The following LRRFIP1 variants were observed in gnomAD, a reference collection of about 807,000 sequenced individuals.
LRRFIP1 encodes LRR binding FLII interacting protein 1.
In LRRFIP1, 62 loss-of-function variants were observed where a neutral mutation model predicts 104.4. The observed-to-expected ratio is 0.59, with a 90% CI of 0.48 to 0.73. The LOEUF (loss-of-function observed/expected upper bound fraction) is 0.73. Ranked by LOEUF, LRRFIP1 falls within the 30% of genes least tolerant of loss-of-function variation. The probability of loss-of-function intolerance (pLI) is 0.00; values close to 1 mark genes in which losing one functional copy is unlikely to be tolerated. For missense variants in LRRFIP1, 796 were observed against 824.5 expected (o/e 0.97, Z 0.42); for synonymous variants, 300 against 299.0 (o/e 1.00, Z -0.03).
chr2:237,654,554 CT>C (rs71402730), intron 1 of LRRFIP1, among the ~76,000 whole-genome samples: 267 of 144,650 alleles, frequency 1.8e-3, no homozygotes, highest in Middle Eastern at 3.5e-3. Flanking sequence ...GAAAATATTC[CT>C]TTTTTTTTTT....
At chr2:237,775,409 G>A (rs549131257) in intron 23 of LRRFIP1, among the ~76,000 whole-genome samples, 1 of 152,362 alleles carries the variant, frequency 6.6e-6, no homozygotes, top group South Asian at 2.1e-4. Flanking sequence ...AGGGAGCAGT[G>A]AGAGCACCTC....
At chr2:237,744,510 C>A (rs2057545608) in intron 11 of LRRFIP1, among the ~76,000 whole-genome samples, 2 of 152,098 alleles carry the variant, frequency 1.3e-5, no homozygotes, top group African/African-American at 4.8e-5. Context: ...TGTACAGGAG[C>A]CTAGATAGCA....
At chr2:237,654,127 C>T (rs189150633) in intron 1 of LRRFIP1, among the ~76,000 whole-genome samples, 9 of 152,094 alleles carry the variant, frequency 5.9e-5, no homozygotes, top group Admixed American at 5.9e-4. Context: ...GGGTTAATAT[C>T]CAAAATAAAC....
At position 237,727,174 on chromosome 2, in the gene LRRFIP1, G is replaced by T. The variant is rs190478536; in HGVS notation, c.385-702G>T. On this transcript the variant is annotated intron_variant, in intron 7 of 23. Transcript: ENST00000308482. ...AGTTCGAGACCAGCCTGACCAACAT[G>T]ATGAAACCCCGTCTCTACTAAAAAT... 2.3e-3 allele frequency among the ~76,000 whole-genome samples: 354 copies of T among 152,194 alleles called. 1 individual carries two copies. The highest frequency in any genetic ancestry group is 8.0e-3 in the African/African-American group (333 of 41,530).
At chr2:237,714,927 T>C (rs905208915) in intron 3 of LRRFIP1, among the ~76,000 whole-genome samples, 1 of 152,266 alleles carries the variant, frequency 6.6e-6, no homozygotes, top group Non-Finnish European at 1.5e-5. Context: ...TGAGAATTTA[T>C]AGAATTTGTA....
At chr2:237,746,469 C>T (rs1238432115) in intron 11 of LRRFIP1, among the ~76,000 whole-genome samples, 2 of 152,148 alleles carry the variant, frequency 1.3e-5, no homozygotes, top group Non-Finnish European at 2.9e-5. Flanking sequence ...GGCTGCAGGG[C>T]TTCTGGGGCT....
chr2:237,744,655 G>T (rs1397068637), intron 11 of LRRFIP1, among the ~76,000 whole-genome samples: 1 of 152,244 alleles, frequency 6.6e-6, no homozygotes, highest in Non-Finnish European at 1.5e-5. Flanking sequence ...ACTGTTTCCA[G>T]TAGATTTTCA....
At chr2:237,760,566 CT>C (rs1431064820) in intron 19 of LRRFIP1, among the ~76,000 whole-genome samples, 3 of 152,218 alleles carry the variant, frequency 2.0e-5, no homozygotes, top group Non-Finnish European at 2.9e-5. Context: ...TAAAGTGTGG[CT>C]TTTTAAACCG....
intron 11 of LRRFIP1, among the ~76,000 whole-genome samples, chr2:237,739,932 A>C (rs1025001370): frequency 2.0e-5 from 3 of 152,106 alleles, no homozygotes; most frequent in African/African-American, 7.2e-5. Flanking sequence ...AAGAGTTTGC[A>C]GGACGGTTTT....
At chr2:237,670,426 G>A (rs1424917778) in intron 1 of LRRFIP1, among the ~76,000 whole-genome samples, 5 of 152,220 alleles carry the variant, frequency 3.3e-5, no homozygotes, top group African/African-American at 9.6e-5. Context: ...TGAAAGCCAG[G>A]GGTGGGGTAG....
At chr2:237,713,507 T>C (rs1408670260) in intron 2 of LRRFIP1, among the ~76,000 whole-genome samples, 6 of 152,210 alleles carry the variant, frequency 3.9e-5, no homozygotes, top group Non-Finnish European at 5.9e-5. Flanking sequence ...CTTTGTTTCT[T>C]ACAGTCATAT....
chr2:237,698,602 G>A (rs991583283), intron 1 of LRRFIP1, among the ~76,000 whole-genome samples: 5 of 152,218 alleles, frequency 3.3e-5, no homozygotes, highest in South Asian at 2.1e-4. Context: ...GAAGGTGGCC[G>A]TCTTACCGTA....
chr2:237,697,322 C>T (rs905488858), intron 1 of LRRFIP1, among the ~76,000 whole-genome samples: 1 of 152,104 alleles, frequency 6.6e-6, no homozygotes, highest in Non-Finnish European at 1.5e-5. Flanking sequence ...CACACCCGGC[C>T]CAATGAGCTT....
intron 1 of LRRFIP1, among the ~76,000 whole-genome samples, chr2:237,676,978 T>G (rs1194111431): frequency 6.6e-6 from 1 of 152,256 alleles, no homozygotes; most frequent in Non-Finnish European, 1.5e-5. Context: ...CCTCCTTTTG[T>G]GATTACATAA....
chr2:237,727,317 C>T (rs953776076), intron 7 of LRRFIP1, among the ~76,000 whole-genome samples: 12 of 148,624 alleles, frequency 8.1e-5, no homozygotes, highest in Admixed American at 1.3e-4. Flanking sequence ...GCTCACACTA[C>T]TGCATTCTAG....
intron 11 of LRRFIP1, among the ~76,000 whole-genome samples, chr2:237,740,878 G>A (rs2095395896): frequency 6.6e-6 from 1 of 152,150 alleles, no homozygotes; most frequent in African/African-American, 2.4e-5. Flanking sequence ...GCTTTCCTGT[G>A]CTAGAGGAAT....
Position 237,772,080 on chromosome 2 carries a change from G to C in LRRFIP1, c.1510-1G>C, listed in dbSNP as rs1396866545. 6.2e-7 allele frequency: 1 copy of C among 1,604,804 alleles called. No homozygotes were observed. The highest frequency in any genetic ancestry group is 8.5e-7 in the Non-Finnish European group (1 of 1,173,912). ...CAGATTTTACTGGCGGGTGTTTTCAGATTAAGAAACTCAAAGGGCAGCTGG... is the reference window on the plus strand; with the variant it reads ...CAGATTTTACTGGCGGGTGTTTTCACATTAAGAAACTCAAAGGGCAGCTGG... On this transcript the variant is annotated splice_acceptor_variant, in intron 20 of 23. Transcript: ENST00000308482. LOFTEE classifies it high-confidence loss of function.
chr2:237,770,853 T>A (rs1332407454), intron 20 of LRRFIP1: 1 of 152,206 alleles, frequency 6.6e-6, no homozygotes, highest in Non-Finnish European at 1.5e-5. Context: ...GGATAGTGAT[T>A]AAATCACTCT....
chr2:237,717,738 A>G lies in LRRFIP1; in HGVS notation c.202-24A>G. 6.3e-7 allele frequency: 1 copy of G among 1,592,950 alleles called. No individual in the cohort carries two copies. Among genetic ancestry groups the G allele is most frequent in the Non-Finnish European group, 8.6e-7 (1 of 1,160,746 alleles). On this transcript the variant is annotated intron_variant, in intron 3 of 23. Coordinates refer to ENST00000308482, the MANE Select transcript of LRRFIP1 (RefSeq NM_001137550.2). This position sits in a 1 kb window ranked among gnomAD's most constrained non-coding sequence, Gnocchi z 4.2. Reference sequence around the variant, plus strand: ...TTTAAGAAATTTCACTTCTTGCCTAATTTTCTTTCCCTTCTGTCTATAGAA... The same window carrying G: ...TTTAAGAAATTTCACTTCTTGCCTAGTTTTCTTTCCCTTCTGTCTATAGAA...
Sources: gnomAD v4.1 joint callset for allele counts (sites outside exome capture counted in the v4.1 genomes callset) on GRCh38, gnomAD v4.1.1 for gene constraint, Gnocchi (gnomAD v3.1) non-coding constraint, MANE v1.5 for transcripts, NCBI Gene and HGNC (gene_info 2026-07-23, HGNC 2026-07-21) for gene names.